LZTFL1: variants seen among roughly 807,000 people sequenced by gnomAD.
The protein encoded by LZTFL1 is leucine zipper transcription factor like 1.
Under a neutral mutation model 45.9 loss-of-function variants are expected in LZTFL1, and 25 were observed. The ratio of observed to expected loss-of-function variants is 0.54; its 90% CI spans 0.40 to 0.76. The LOEUF is 0.76. Among genes scored for constraint, LZTFL1 ranks in the 30% least tolerant of loss-of-function variants. LZTFL1 has a pLI of 0.00. For synonymous variants in LZTFL1, 93 were observed against 117.4 expected (o/e 0.79, Z 1.35); for missense variants, 277 against 331.1 (o/e 0.84, Z 1.27).
intron 3 of LZTFL1, among the ~76,000 whole-genome samples, chr3:45,856,229 C>T (rs974390609): frequency 1.3e-5 from 2 of 152,134 alleles, no homozygotes; most frequent in Non-Finnish European, 2.9e-5. Context: ...AGAAATAAGA[C>T]TGCACATATA....
chr3:45,841,933 GC>G, intron 1 of LZTFL1, 55 bp downstream of exon 1: 2 of 1,598,244 alleles, frequency 1.3e-6, no homozygotes, highest in Non-Finnish European at 8.5e-7. Context: ...AGTGTCTCCA[GC>G]CCCGGCCGCG....
At chr3:45,830,257 T>G (rs557148013) in intron 7 of LZTFL1, among the ~76,000 whole-genome samples, 1 of 152,290 alleles carries the variant, frequency 6.6e-6, no homozygotes, top group African/African-American at 2.4e-5. Flanking sequence ...ATGGTCCTGC[T>G]CACAGGAAAT....
In LZTFL1 at chr3:45,890,279, T is replaced by TAAATATATATATAAC. The variant is rs1390479108; in HGVS notation, c.-215+22840_-215+22841insGTTATATATATATTT. 1.1e-3 allele frequency among the ~76,000 whole-genome samples: 81 copies of TAAATATATATATAAC among 75,784 alleles called. 18 individuals carry two copies. The highest frequency in any genetic ancestry group is 4.7e-3 in the African/African-American group (78 of 16,710). 49.7% of individuals were successfully genotyped at this position (75,784 alleles called of 152,430 possible). On this transcript the variant is annotated intron_variant, in intron 2 of 4. Transcript: ENST00000472635. ...TAGAAATATATATATAACATATATA[T>TAAATATATATATAAC]ATATTTATATAAATATATATATAAC...
At chr3:45,844,891 C>G (rs1426084002), upstream of LZTFL1, among the ~76,000 whole-genome samples, 7 of 152,150 alleles carry the variant, frequency 4.6e-5, no homozygotes, top group Non-Finnish European at 8.8e-5. Flanking sequence ...GGAAGTGGTT[C>G]ACCATAAAAT....
intron 2 of LZTFL1, among the ~76,000 whole-genome samples, chr3:45,837,044 ACAT>A (rs1700984104): frequency 6.6e-6 from 1 of 152,202 alleles, no homozygotes; most frequent in Admixed American, 6.5e-5. Context: ...TTCCAAAAAG[ACAT>A]CATCAAGCAA....
In LZTFL1 at chr3:45,841,969, C is replaced by G; in HGVS notation, c.3+20G>C. 1 of 1,611,092 alleles carries G rather than the reference C, an allele frequency of 6.2e-7. No individual in the cohort carries two copies. The highest frequency in any genetic ancestry group is 8.5e-7 in the Non-Finnish European group (1 of 1,179,354). On this transcript the variant is annotated intron_variant, in intron 1 of 9. Coordinates refer to ENST00000296135, the MANE Select transcript of LZTFL1 (RefSeq NM_020347.4). ...GCTCTCTCCTGTGCGCGGTGCGGCG[C>G]CTGAGGGTCGGTTACTCACCATGGC... is the stretch of plus-strand genomic sequence containing the variant.
At position 45,825,888 on chromosome 3, in the gene LZTFL1, T is replaced by TC. The variant is rs1700650048; in HGVS notation, c.*425_*426insG. On this transcript the variant is annotated 3_prime_UTR_variant, in exon 10 of 10. Transcript: ENST00000296135. Reference sequence around the variant, plus strand: ...GACATATTTATTTGTAATAACTCTCTTTTTTTGGTAATAACTATCTTTAAC... The same window carrying TC: ...GACATATTTATTTGTAATAACTCTCTCTTTTTTGGTAATAACTATCTTTAAC... The TC allele has an allele frequency of 6.3e-6, 1 of 158,522 alleles. No individual in the cohort carries two copies. The highest frequency in any genetic ancestry group is 6.5e-5 in the Admixed American group (1 of 15,456). The allele number at this position is 158,522 out of a possible 1,614,324, so 9.8% of individuals were successfully genotyped here.
intron 2 of LZTFL1, among the ~76,000 whole-genome samples, chr3:45,880,372 G>C (rs1217788788): frequency 6.6e-6 from 1 of 151,974 alleles, no homozygotes; most frequent in Non-Finnish European, 1.5e-5. Flanking sequence ...CGTGGTGATG[G>C]GCACCTGTAA....
At chr3:45,856,883 A>G (rs1701402236) in intron 3 of LZTFL1, among the ~76,000 whole-genome samples, 1 of 152,166 alleles carries the variant, frequency 6.6e-6, no homozygotes, top group South Asian at 2.1e-4. Context: ...AGATGCTGGC[A>G]AGGCTGTGGA....
intron 2 of LZTFL1, among the ~76,000 whole-genome samples, chr3:45,894,635 G>T (rs1239102125): frequency 6.6e-6 from 1 of 152,166 alleles, no homozygotes; most frequent in African/African-American, 2.4e-5. Context: ...ACTAATTATT[G>T]TCTAAGTAGA....
At chr3:45,847,551 A>G (rs551861197) in intron 4 of LZTFL1, among the ~76,000 whole-genome samples, 28 of 152,338 alleles carry the variant, frequency 1.8e-4, no homozygotes, top group African/African-American at 6.0e-4. Flanking sequence ...GCATTGTCCA[A>G]TATAAAAAGA....
chr3:45,867,422 GT>G (rs919912356), intron 2 of LZTFL1, among the ~76,000 whole-genome samples: 8 of 150,174 alleles, frequency 5.3e-5, no homozygotes, highest in East Asian at 1.9e-4. Context: ...CGCAATTCAA[GT>G]TTTTTTTTTC....
chr3:45,863,359 G>T (rs1329465109), intron 2 of LZTFL1, among the ~76,000 whole-genome samples: 1 of 152,190 alleles, frequency 6.6e-6, no homozygotes, highest in African/African-American at 2.4e-5. Flanking sequence ...TGTAGATCCA[G>T]GCAAGGACTA....
intron 1 of LZTFL1, among the ~76,000 whole-genome samples, chr3:45,915,264 G>A (rs950937050): frequency 2.6e-5 from 4 of 152,120 alleles, no homozygotes; most frequent in Non-Finnish European, 5.9e-5. Context: ...AGCCCTCCTT[G>A]CAGCCTTTAG....
intron 3 of LZTFL1, among the ~76,000 whole-genome samples, chr3:45,856,695 C>T (rs1413901579): frequency 6.6e-6 from 1 of 151,582 alleles, no homozygotes; most frequent in Non-Finnish European, 1.5e-5. Context: ...AGAAAAAAAA[C>T]CTTAAAAAGT....
At chr3:45,913,349 A>G (rs1255338098) in intron 1 of LZTFL1, among the ~76,000 whole-genome samples, 1 of 152,040 alleles carries the variant, frequency 6.6e-6, no homozygotes, top group East Asian at 1.9e-4. Flanking sequence ...ACAATCTGAC[A>G]AAGCCTATAG....
intron 2 of LZTFL1, among the ~76,000 whole-genome samples, chr3:45,859,359 G>A (rs1195310370): frequency 6.6e-6 from 1 of 152,162 alleles, no homozygotes; most frequent in African/African-American, 2.4e-5. Flanking sequence ...CCAAGTAGCT[G>A]GGACTATAGG....
chr3:45,872,008 G>A (rs937561028), intron 2 of LZTFL1, among the ~76,000 whole-genome samples: 7 of 152,198 alleles, frequency 4.6e-5, no homozygotes, highest in South Asian at 4.1e-4. Context: ...GGGGCTCATC[G>A]CTTACTGGTA....
intron 7 of LZTFL1, among the ~76,000 whole-genome samples, chr3:45,830,415 C>T (rs1052868568): frequency 6.6e-5 from 10 of 152,092 alleles, no homozygotes; most frequent in African/African-American, 1.9e-4. Flanking sequence ...TCTATGGTGC[C>T]GGCGGGTACA....
Sources: allele counts gnomAD v4.1 joint callset (sites outside exome capture counted in the v4.1 genomes callset), GRCh38; gene constraint gnomAD v4.1.1; transcripts MANE v1.5; gene names NCBI Gene and HGNC (gene_info 2026-07-23, HGNC 2026-07-21).